Variants in ARMC9 observed in about 807,000 individuals in gnomAD.
The protein encoded by ARMC9 is armadillo repeat containing 9.
ARMC9 carries 94 observed loss-of-function variants against 107.0 expected under a neutral mutation model. That is an observed-to-expected ratio of 0.88 (90% CI 0.74 to 1.04). ARMC9 has a LOEUF of 1.04. ARMC9 is among the 50% of genes least tolerant of loss of function. The probability of loss-of-function intolerance (pLI) is 0.00; values close to 1 mark genes in which losing one functional copy is unlikely to be tolerated. For missense variants in ARMC9, 942 were observed against 1,030.1 expected, an observed-to-expected ratio of 0.91 and a Z score of 1.17; for synonymous variants, 380 against 396.9, an observed-to-expected ratio of 0.96 and a Z score of 0.51.
At chr2:231,323,625 T>C (rs1012212356) in intron 19 of ARMC9, among the ~76,000 whole-genome samples, 21 of 152,008 alleles carry the variant, frequency 1.4e-4, no homozygotes, top group African/African-American at 5.1e-4. Flanking sequence ...GGCAGTGACT[T>C]GTTTATATCT....
At chr2:231,273,102 G>A (rs375287277) in intron 14 of ARMC9, 24 bp downstream of exon 14, 25 of 1,604,798 alleles carry the variant, frequency 1.6e-5, no homozygotes, top group South Asian at 1.0e-4. Flanking sequence ...AATAGGTCAC[G>A]GTGTCTCCTG....
intron 19 of ARMC9, among the ~76,000 whole-genome samples, chr2:231,316,790 T>C (rs1259167933): frequency 6.6e-6 from 1 of 152,188 alleles, no homozygotes; most frequent in Admixed American, 6.5e-5. Flanking sequence ...TGTGACAGAG[T>C]CTCACTGTGT....
At chr2:231,283,479 G>A (rs2040365197) in intron 17 of ARMC9, among the ~76,000 whole-genome samples, 1 of 152,092 alleles carries the variant, frequency 6.6e-6, no homozygotes, top group Non-Finnish European at 1.5e-5. Flanking sequence ...ACCCAGACTG[G>A]AGTACAGTGG....
intron 9 of ARMC9, among the ~76,000 whole-genome samples, chr2:231,244,423 T>C (rs1191689822): frequency 6.6e-6 from 1 of 151,052 alleles, no homozygotes; most frequent in Non-Finnish European, 1.5e-5. Flanking sequence ...CTGGAGTGCA[T>C]TGGCACGATC....
At position 231,331,911 on chromosome 2, in the gene ARMC9, A is replaced by G; in HGVS notation, c.1878+14A>G. The G allele has an allele frequency of 6.3e-7, 1 of 1,595,272 alleles. No individual in the cohort carries two copies. The highest frequency in any genetic ancestry group is 8.6e-7 in the Non-Finnish European group (1 of 1,163,850). ...GAGTACCTGGGGGTAAGTGCCACAC[A>G]AAGGGTGGGGATCCTGAAACAGAAA... is the stretch of plus-strand genomic sequence containing the variant. On this transcript the variant is annotated intron_variant, in intron 20 of 24. Coordinates refer to ENST00000611582, the MANE Select transcript of ARMC9 (RefSeq NM_001352754.2).
At chr2:231,352,026 G>A (rs866208328) in intron 21 of ARMC9, among the ~76,000 whole-genome samples, 28 of 152,076 alleles carry the variant, frequency 1.8e-4, no homozygotes, top group South Asian at 4.2e-4. Flanking sequence ...GGAGTATAGC[G>A]GCACAATCAC....
chr2:231,350,622 CAAA>C (rs111301618), intron 21 of ARMC9, among the ~76,000 whole-genome samples: 3 of 97,402 alleles, frequency 3.1e-5, no homozygotes. Context: ...ACCCTTGTCT[CAAA>C]AAAAAAAAAA....
chr2:231,219,373 G>A (rs1202036453), intron 5 of ARMC9, among the ~76,000 whole-genome samples: 2 of 151,982 alleles, frequency 1.3e-5, no homozygotes, highest in African/African-American at 4.8e-5. Flanking sequence ...TTCAGTTCTT[G>A]TTTGACTGCA....
At chr2:231,228,081 T>A (rs2034828236) in intron 7 of ARMC9, among the ~76,000 whole-genome samples, 1 of 152,154 alleles carries the variant, frequency 6.6e-6, no homozygotes, top group Non-Finnish European at 1.5e-5. Flanking sequence ...GCCCGCTCTC[T>A]CAGTGCTAGC....
Position 231,375,619 on chromosome 2 carries a change from C to G in ARMC9, c.*4084C>G, listed in dbSNP as rs935570339. Among the ~76,000 whole-genome samples, 10 of 152,344 alleles carry G rather than the reference C, an allele frequency of 6.6e-5. No individual in the cohort carries two copies. Among genetic ancestry groups the G allele is most frequent in the African/African-American group, 2.4e-4 (10 of 41,588 alleles). On this transcript the variant is annotated 3_prime_UTR_variant, in exon 25 of 25. Coordinates refer to ENST00000611582, the MANE Select transcript of ARMC9 (RefSeq NM_001352754.2). The surrounding 1 kb of genome is among the most constrained non-coding windows in gnomAD (Gnocchi z 4.3). ...TGGCTTTCAAGTTGCCATCCATCTT[C>G]TAGGGAGAATTTCTGGCCTTTTCGG...
intron 1 of ARMC9, among the ~76,000 whole-genome samples, chr2:231,201,504 T>G (rs1225646098): frequency 6.6e-6 from 1 of 152,200 alleles, no homozygotes; most frequent in Non-Finnish European, 1.5e-5. Flanking sequence ...ATCTGCCCAC[T>G]CCCGTGGTCG....
intron 9 of ARMC9, among the ~76,000 whole-genome samples, chr2:231,242,972 C>T (rs192884234): frequency 3.9e-4 from 59 of 152,132 alleles, no homozygotes; most frequent in African/African-American, 1.4e-3. Flanking sequence ...TTAGGCCAGG[C>T]GTGGTGGCTC....
chr2:231,276,771 C>G lies in ARMC9; in HGVS notation c.1470C>G (p.Ser490Arg), dbSNP rs756286044. The G allele has an allele frequency of 2.5e-6, 4 of 1,614,026 alleles. No individual in the cohort carries two copies. Among genetic ancestry groups the G allele is most frequent in the Non-Finnish European group, 3.4e-6 (4 of 1,179,998 alleles). ...VALLMNLCLR[S>R]TGKNMCAKVA... ...TGCTCATGAACCTCTGCCTCCGCAG[C>G]ACAGGTCTCAGCCCCGACCCTCATT... Residue 490 changes from serine to arginine, a missense_variant, in exon 15 of 25, where the codon AGC becomes AGG. Coordinates refer to ENST00000611582, the MANE Select transcript of ARMC9 (RefSeq NM_001352754.2).
intron 18 of ARMC9, among the ~76,000 whole-genome samples, chr2:231,292,718 G>A (rs2041100989): frequency 6.6e-6 from 1 of 152,184 alleles, no homozygotes. Context: ...GCCCTTCCCT[G>A]ACACCCAGCA....
chr2:231,353,011 C>T (rs1241151804), intron 21 of ARMC9, among the ~76,000 whole-genome samples: 3 of 110,766 alleles, frequency 2.7e-5, no homozygotes, highest in Admixed American at 2.3e-4. Flanking sequence ...AAATTTAACT[C>T]CTCTTGTCAA....
intron 21 of ARMC9, among the ~76,000 whole-genome samples, chr2:231,350,946 C>CTTTTTTTTTTTTTTTTTT (rs770225857): frequency 1.4e-4 from 7 of 50,598 alleles, no homozygotes; most frequent in African/African-American, 6.9e-4. Context: ...AGTGACAATT[C>CTTTTTTTTTTTTTTTTTT]TTTTTTTTTT....
chr2:231,292,643 A>G (rs1292397783), intron 18 of ARMC9, among the ~76,000 whole-genome samples: 3 of 152,176 alleles, frequency 2.0e-5, no homozygotes, highest in African/African-American at 7.2e-5. Context: ...GACATCATTC[A>G]CCTGCCAGAG....
chr2:231,316,990 G>A (rs888146105), intron 19 of ARMC9, among the ~76,000 whole-genome samples: 6 of 151,908 alleles, frequency 3.9e-5, no homozygotes, highest in Non-Finnish European at 7.4e-5. Flanking sequence ...CTCAAACTGC[G>A]CCCAGCCCCA....
rs374831515 is a variant in ARMC9 at position 231,241,154 on chromosome 2, T to C, written c.879+1113T>C. On this transcript the variant is annotated intron_variant, in intron 9 of 24. Transcript: ENST00000611582. ...CAGAGGTTGCAGTGAGCTGAGATTG[T>C]GCCATTGCACTCCAGCCTGGGGGAC... 6.8e-5 allele frequency among the ~76,000 whole-genome samples: 10 copies of C among 147,980 alleles called. No individual in the cohort carries two copies. In the East Asian group the frequency reaches 2.0e-3, roughly 29 times the overall value.
Sources: allele counts gnomAD v4.1 joint callset (sites outside exome capture counted in the v4.1 genomes callset), GRCh38; gene constraint gnomAD v4.1.1; non-coding constraint Gnocchi (gnomAD v3.1); transcripts MANE v1.5; gene names NCBI Gene and HGNC (gene_info 2026-07-23, HGNC 2026-07-21).